Variants in MIR2052HG observed in about 807,000 individuals in gnomAD.
MIR2052HG encodes MIR2052 host gene.
intron 5 of MIR2052HG, chr8:74,752,585 A>T (rs1471213290): frequency 2.2e-6 from 1 of 444,768 alleles, no homozygotes; most frequent in African/African-American, 2.0e-5. Flanking sequence ...TTCAATATTT[A>T]TGTACTGTGG....
intron 2 of MIR2052HG, among the ~76,000 whole-genome samples, chr8:74,644,374 A>T (rs1303351981): frequency 6.6e-6 from 1 of 152,218 alleles, no homozygotes; most frequent in Non-Finnish European, 1.5e-5. Flanking sequence ...TTAGTATAGT[A>T]ACATGCTGTA....
chr8:74,729,092 T>A (rs905768543), intron 4 of MIR2052HG, among the ~76,000 whole-genome samples: 4 of 152,194 alleles, frequency 2.6e-5, no homozygotes, highest in African/African-American at 9.7e-5. Context: ...TTAATAATAC[T>A]TTCCCAAGTC....
chr8:74,672,258 C>T (rs775609337), intron 2 of MIR2052HG, among the ~76,000 whole-genome samples: 2 of 152,050 alleles, frequency 1.3e-5, no homozygotes, highest in Non-Finnish European at 2.9e-5. Context: ...GTTTTGCAGG[C>T]CTAGCATCCG....
intron 4 of MIR2052HG, among the ~76,000 whole-genome samples, chr8:74,714,195 A>G (rs1339171362): frequency 6.6e-6 from 1 of 152,188 alleles, no homozygotes; most frequent in Non-Finnish European, 1.5e-5. Context: ...CTTGGCAGAG[A>G]GCACCACGAG....
At chr8:74,660,437 AAGAG>A (rs1808849548) in intron 2 of MIR2052HG, among the ~76,000 whole-genome samples, 1 of 152,186 alleles carries the variant, frequency 6.6e-6, no homozygotes, top group Non-Finnish European at 1.5e-5. Flanking sequence ...GTTTCTGCGC[AAGAG>A]AGAGGTGTGT....
At chr8:74,627,577 G>A (rs1808453083) in intron 2 of MIR2052HG, among the ~76,000 whole-genome samples, 1 of 152,140 alleles carries the variant, frequency 6.6e-6, no homozygotes, top group Non-Finnish European at 1.5e-5. Flanking sequence ...AAGTAATTCA[G>A]ATCACGGATT....
intron 2 of MIR2052HG, among the ~76,000 whole-genome samples, chr8:74,657,976 CCTGGTTCTCTTTTTGG>C (rs1443264478): frequency 6.6e-6 from 1 of 152,172 alleles, no homozygotes; most frequent in Non-Finnish European, 1.5e-5. Flanking sequence ...AACTTCTACC[CCTGGTTCTCTTTTTGG>C]CTCACATAGT....
chr8:74,602,293 C>T (rs961962725), intron 1 of MIR2052HG, among the ~76,000 whole-genome samples: 7 of 152,172 alleles, frequency 4.6e-5, no homozygotes, highest in African/African-American at 1.4e-4. Context: ...ATACTCCTGC[C>T]AGCATCATGA....
intron 2 of MIR2052HG, among the ~76,000 whole-genome samples, chr8:74,637,764 T>G (rs938384782): frequency 2.0e-5 from 3 of 152,164 alleles, no homozygotes; most frequent in Non-Finnish European, 4.4e-5. Flanking sequence ...GGGTATGGCA[T>G]GAATAGTCCT....
At chr8:74,602,298 T>C (rs912321380) in intron 1 of MIR2052HG, among the ~76,000 whole-genome samples, 31 of 152,176 alleles carry the variant, frequency 2.0e-4, no homozygotes, top group African/African-American at 7.5e-4. Flanking sequence ...CCTGCCAGCA[T>C]CATGACAATT....
intron 2 of MIR2052HG, among the ~76,000 whole-genome samples, chr8:74,641,419 C>A (rs1234412910): frequency 6.6e-6 from 1 of 152,106 alleles, no homozygotes; most frequent in Non-Finnish European, 1.5e-5. Context: ...TTATTTTGAA[C>A]TGAAATGTCC....
chr8:74,653,175 G>A (rs1808770899), intron 2 of MIR2052HG, among the ~76,000 whole-genome samples: 1 of 152,242 alleles, frequency 6.6e-6, no homozygotes, highest in Non-Finnish European at 1.5e-5. Context: ...TTTATAAGTG[G>A]CAAAGTTTTC....
intron 4 of MIR2052HG, among the ~76,000 whole-genome samples, chr8:74,714,487 T>C (rs1809500734): frequency 6.6e-6 from 1 of 152,154 alleles, no homozygotes; most frequent in Non-Finnish European, 1.5e-5. Context: ...AACTCTATAT[T>C]AAATGATTTT....
At chr8:74,617,459 GTGTGT>G (rs375612587) in intron 2 of MIR2052HG, among the ~76,000 whole-genome samples, 60 of 20,758 alleles carry the variant, frequency 2.9e-3, no homozygotes, top group South Asian at 0.01. Context: ...TCCATTGGGT[GTGTGT>G]GTGTGTGTGT....
intron 2 of MIR2052HG, among the ~76,000 whole-genome samples, chr8:74,682,243 G>A (rs1464260319): frequency 6.6e-6 from 1 of 152,064 alleles, no homozygotes; most frequent in African/African-American, 2.4e-5. Context: ...ATGAGTTCAG[G>A]ATATAGAAAA....
intron 4 of MIR2052HG, among the ~76,000 whole-genome samples, chr8:74,728,461 A>G (rs544605444): frequency 1.3e-5 from 2 of 152,310 alleles, no homozygotes; most frequent in South Asian, 4.1e-4. Context: ...GTCATTTAGC[A>G]TCTATGTGGG....
At chr8:74,613,296 G>A (rs1040761227) in intron 2 of MIR2052HG, among the ~76,000 whole-genome samples, 1 of 152,086 alleles carries the variant, frequency 6.6e-6, no homozygotes, top group Non-Finnish European at 1.5e-5. Flanking sequence ...AGAAGGGTAA[G>A]GCATACAATG....
intron 2 of MIR2052HG, among the ~76,000 whole-genome samples, chr8:74,617,216 G>A (rs1808295139): frequency 6.6e-6 from 1 of 152,068 alleles, no homozygotes; most frequent in African/African-American, 2.4e-5. Context: ...TACCCAAGAG[G>A]TAACTTTTTA....
At chr8:74,627,769 T>C (rs1808455275) in intron 2 of MIR2052HG, among the ~76,000 whole-genome samples, 1 of 152,200 alleles carries the variant, frequency 6.6e-6, no homozygotes, top group Admixed American at 6.5e-5. Flanking sequence ...TAAGGAATCC[T>C]CCAGGGTGTC....
Sources: allele counts gnomAD v4.1 joint callset (sites outside exome capture counted in the v4.1 genomes callset), GRCh38; gene constraint gnomAD v4.1.1; transcripts MANE v1.5; gene names NCBI Gene and HGNC (gene_info 2026-07-23, HGNC 2026-07-21).